ADGB: variants seen among roughly 807,000 people sequenced by gnomAD.
ADGB encodes the protein androglobin.
Under a neutral mutation model 210.5 loss-of-function variants are expected in ADGB, and 172 were observed. That is an observed-to-expected ratio of 0.82 (90% CI 0.72 to 0.93). The LOEUF is 0.93. Ranked by LOEUF, ADGB falls within the 40% of genes least tolerant of loss-of-function variation. ADGB has a pLI of 0.00. For missense variants in ADGB, 2,025 were observed against 1,964.8 expected (o/e 1.03, Z -0.58); for synonymous variants, 658 against 662.7 (o/e 0.99, Z 0.11).
chr6:146,741,396 C>T, intron 25 of ADGB, 125 bp downstream of exon 25: 1 of 794,958 alleles, frequency 1.3e-6, no homozygotes, highest in African/African-American at 1.8e-5. Flanking sequence ...AGGCCCTGAT[C>T]TTTCACTATA....
At chr6:146,730,915 G>A (rs568423387) in intron 20 of ADGB, among the ~76,000 whole-genome samples, 1 of 152,074 alleles carries the variant, frequency 6.6e-6, no homozygotes, top group Admixed American at 6.5e-5. Context: ...CTCCAGCCTG[G>A]GCAACAGGAG....
intron 1 of ADGB, among the ~76,000 whole-genome samples, chr6:146,621,142 T>C (rs1562257097): frequency 6.6e-6 from 1 of 152,142 alleles, no homozygotes; most frequent in African/African-American, 2.4e-5. Flanking sequence ...CCTGCCATTG[T>C]TTTCTGGTCT....
At chr6:146,651,311 T>C (rs1333043159) in intron 3 of ADGB, among the ~76,000 whole-genome samples, 2 of 152,180 alleles carry the variant, frequency 1.3e-5, no homozygotes, top group Non-Finnish European at 2.9e-5. Context: ...GCTGAGTCAC[T>C]TGAAACACAC....
intron 5 of ADGB, among the ~76,000 whole-genome samples, chr6:146,661,224 T>G (rs59138227): frequency 7.3e-6 from 1 of 137,722 alleles, no homozygotes; most frequent in African/African-American, 3.0e-5. Context: ...TTTTTTCTTT[T>G]TTTTTTTTTT....
rs906365361 is a variant in ADGB, at chr6:146,803,007, T to C, written c.4818+996T>C. The C allele has an allele frequency of 2.5e-6, 4 of 1,607,796 alleles. No homozygotes were observed. In the Admixed American group the frequency reaches 5.0e-5, roughly 20 times the overall value. On this transcript the variant is annotated intron_variant, in intron 35 of 35. Coordinates refer to ENST00000397944, the MANE Select transcript of ADGB (RefSeq NM_024694.4). ...AAGCCAGTTTAAACCAACTATAACA[T>C]ATTCTTCAAATTTGCTTTTAAGTAG...
chr6:146,612,888 C>T (rs533440687), intron 1 of ADGB, among the ~76,000 whole-genome samples: 2 of 152,238 alleles, frequency 1.3e-5, no homozygotes, highest in South Asian at 2.1e-4. Flanking sequence ...ACCATTATTC[C>T]ACTTTTCTAC....
intron 5 of ADGB, among the ~76,000 whole-genome samples, chr6:146,661,873 A>T (rs1403252622): frequency 6.6e-6 from 1 of 152,008 alleles, no homozygotes; most frequent in East Asian, 1.9e-4. Flanking sequence ...TTCCCTAGTG[A>T]TATGATTCTG....
At chr6:146,698,875 A>G (rs1776447906) in intron 12 of ADGB, among the ~76,000 whole-genome samples, 1 of 152,094 alleles carries the variant, frequency 6.6e-6, no homozygotes, top group South Asian at 2.1e-4. Context: ...GGCATGTTCC[A>G]CCATGCCCAG....
At chr6:146,781,863 A>G (rs1777804839) in intron 29 of ADGB, among the ~76,000 whole-genome samples, 157 bp from the exon 30 acceptor site, 1 of 152,240 alleles carries the variant, frequency 6.6e-6, no homozygotes, top group Non-Finnish European at 1.5e-5. Context: ...GATTTTATGA[A>G]AACGAGTCCA....
At chr6:146,741,350 G>A in intron 25 of ADGB, 79 bp downstream of exon 25, 1 of 1,368,028 alleles carries the variant, frequency 7.3e-7, no homozygotes, top group Non-Finnish European at 9.9e-7. Context: ...CTGAAGGGAG[G>A]GTAGAGTTGT....
intron 35 of ADGB, among the ~76,000 whole-genome samples, chr6:146,806,520 A>C (rs1778214401): frequency 6.6e-6 from 1 of 152,132 alleles, no homozygotes; most frequent in Admixed American, 6.5e-5. Flanking sequence ...ATCTTTTGTA[A>C]AAACTTCGGG....
chr6:146,781,879 C>A (rs777869876), intron 29 of ADGB, 141 bp from the exon 30 acceptor site: 2 of 543,362 alleles, frequency 3.7e-6, no homozygotes, highest in East Asian at 3.4e-5. Context: ...GTCCAACAGG[C>A]CTTTATAAAA....
At chr6:146,742,806 G>A (rs1237594259) in intron 25 of ADGB, among the ~76,000 whole-genome samples, 1 of 152,080 alleles carries the variant, frequency 6.6e-6, no homozygotes, top group Admixed American at 6.5e-5. Context: ...CATAGGCTGC[G>A]TGCTGCCCAG....
intron 8 of ADGB, among the ~76,000 whole-genome samples, chr6:146,674,360 T>A (rs1272807478): frequency 6.6e-6 from 1 of 152,104 alleles, no homozygotes; most frequent in Non-Finnish European, 1.5e-5. Flanking sequence ...AAATTGGTTT[T>A]TTTTTTTAAG....
intron 29 of ADGB, among the ~76,000 whole-genome samples, chr6:146,774,066 A>G (rs545448356): frequency 6.6e-6 from 1 of 152,266 alleles, no homozygotes; most frequent in South Asian, 2.1e-4. Flanking sequence ...GTAATAATAT[A>G]CAGTAGTACT....
chr6:146,747,766 CAT>C (rs151335769), intron 26 of ADGB, among the ~76,000 whole-genome samples: 5 of 143,296 alleles, frequency 3.5e-5, no homozygotes, highest in Non-Finnish European at 4.5e-5. Flanking sequence ...TGTGTATATA[CAT>C]ATATATATAT....
chr6:146,612,802 C>T (rs879549616), intron 1 of ADGB, among the ~76,000 whole-genome samples: 2 of 152,132 alleles, frequency 1.3e-5, no homozygotes, highest in Non-Finnish European at 2.9e-5. Flanking sequence ...AGAGAGAATG[C>T]TCTCAGCAAT....
chr6:146,687,649 T>C (rs1776250957), intron 10 of ADGB, among the ~76,000 whole-genome samples: 1 of 151,790 alleles, frequency 6.6e-6, no homozygotes, highest in African/African-American at 2.4e-5. Flanking sequence ...TGTTGTGGGA[T>C]GGGGTTGAGG....
chr6:146,653,546 C>T (rs10428780), intron 3 of ADGB, among the ~76,000 whole-genome samples: 1 of 152,148 alleles, frequency 6.6e-6, no homozygotes, highest in East Asian at 1.9e-4. Flanking sequence ...GATGAGAATA[C>T]ATCGACACAT....
Sources: gnomAD v4.1 joint callset for allele counts (sites outside exome capture counted in the v4.1 genomes callset) on GRCh38, gnomAD v4.1.1 for gene constraint, MANE v1.5 for transcripts, NCBI Gene and HGNC (gene_info 2026-07-23, HGNC 2026-07-21) for gene names.